The following SLC18A1 variants were observed in gnomAD, a reference collection of about 807,000 sequenced individuals.
SLC18A1 encodes the protein solute carrier family 18 member A1, also known as chromaffin granule amine transporter.
Under a neutral mutation model 53.7 loss-of-function variants are expected in SLC18A1, and 69 were observed. That is an observed-to-expected ratio of 1.28 (90% CI 1.06 to 1.57). SLC18A1 has a LOEUF of 1.57. Among genes scored for constraint, SLC18A1 ranks in the 40% most tolerant of loss-of-function variants. The probability of loss-of-function intolerance (pLI) is 0.00; values close to 1 mark genes in which losing one functional copy is unlikely to be tolerated. For synonymous variants in SLC18A1, 320 were observed against 248.1 expected, an observed-to-expected ratio of 1.29 and a Z score of -2.72; for missense variants, 932 against 668.1, an observed-to-expected ratio of 1.40 and a Z score of -4.35.
rs1274931687 is a variant in SLC18A1 at position 20,165,065 on chromosome 8, A to G, written c.901T>C (p.Tyr301His). Residue 301 changes from tyrosine (Y) to histidine (H), a missense_variant, in exon 9 of 16, where the codon TAC becomes CAC. By Grantham distance (83) the Tyr-to-His change is moderately conservative (BLOSUM62 2). Coordinates refer to ENST00000276373, the MANE Select transcript of SLC18A1 (RefSeq NM_003053.4). Reference protein sequence around the residue: ...TPLFMLLKDPYILVAAGSICF... With the variant: ...TPLFMLLKDPHILVAAGSICF... Reference sequence around the variant, plus strand: ...AGCTTACCTGCAGCCACCAGGATGTAAGGGTCTTTGAGAAGCATAAAGAGG... The same window carrying G: ...AGCTTACCTGCAGCCACCAGGATGTGAGGGTCTTTGAGAAGCATAAAGAGG... 1.2e-6 allele frequency: 2 copies of G among 1,614,068 alleles called. No individual in the cohort carries two copies. Among genetic ancestry groups the G allele is most frequent in the African/African-American group, 1.3e-5 (1 of 74,936 alleles).
In SLC18A1 at chr8:20,173,999, C is replaced by T. The variant is rs116375270; in HGVS notation, c.631+362G>A. Among the ~76,000 whole-genome samples the T allele has an allele frequency of 4.1e-3, 620 of 151,760 alleles. 7 individuals are homozygous for T. The highest frequency in any genetic ancestry group is 0.014 in the African/African-American group (592 of 41,284). ...GCAGCCTTGACCACCCAAGCTCAAG[C>T]CATCCTCCCACTTTAGCCTCCCAAG... On this transcript the variant is annotated intron_variant, in intron 5 of 15. Transcript: ENST00000276373.
chr8:20,169,295 T>C (rs1001781852), intron 8 of SLC18A1, among the ~76,000 whole-genome samples: 1 of 152,128 alleles, frequency 6.6e-6, no homozygotes, highest in African/African-American at 2.4e-5. Context: ...GATGCATAAA[T>C]GTCTTACACA....
intron 8 of SLC18A1, among the ~76,000 whole-genome samples, chr8:20,166,265 A>G (rs2071954554): frequency 7.4e-6 from 1 of 135,550 alleles, no homozygotes; most frequent in African/African-American, 2.7e-5. Flanking sequence ...ACACATACAA[A>G]ATTGTGTGTG....
chr8:20,178,155 G>T (rs79417013), intron 4 of SLC18A1, among the ~76,000 whole-genome samples: 1 of 126,788 alleles, frequency 7.9e-6, no homozygotes, highest in African/African-American at 3.0e-5. Context: ...CACACACCCC[G>T]TAGCATACAT....
chr8:20,164,930 G>T lies in SLC18A1; in HGVS notation c.954C>A (p.Ile318=). The T allele has an allele frequency of 6.2e-7, 1 of 1,613,946 alleles. No individual in the cohort carries two copies. Among genetic ancestry groups the T allele is most frequent in the East Asian group, 2.2e-5 (1 of 44,870 alleles). ...SICFANMGVA[I]LEPTLPIWMM... Reference sequence around the variant, plus strand: ...TCCAGATGGGCAGTGTGGGCTCCAGGATGGCCACCCCCATGTTGGCAAAGC... The same window carrying T: ...TCCAGATGGGCAGTGTGGGCTCCAGTATGGCCACCCCCATGTTGGCAAAGC... Residue 318 remains isoleucine, a synonymous_variant, in exon 10 of 16, where the codon ATC becomes ATA. Coordinates refer to ENST00000276373, the MANE Select transcript of SLC18A1 (RefSeq NM_003053.4).
intron 12 of SLC18A1, chr8:20,148,579 C>T: frequency 1.3e-6 from 1 of 747,022 alleles, no homozygotes; most frequent in Non-Finnish European, 2.0e-6. Flanking sequence ...CTAGAGGGGG[C>T]AGGTGGTGTG....
At position 20,163,375 on chromosome 8, in the gene SLC18A1, A is replaced by G. The variant is rs368330011; in HGVS notation, c.1015+1494T>C. 5.9e-5 allele frequency among the ~76,000 whole-genome samples: 9 copies of G among 152,328 alleles called. No individual in the cohort carries two copies. The South Asian group carries it at 1.9e-3, about 32-fold the overall frequency. On this transcript the variant is annotated intron_variant, in intron 10 of 15. Coordinates refer to ENST00000276373, the MANE Select transcript of SLC18A1 (RefSeq NM_003053.4). The stretch of plus-strand genomic sequence containing the variant: ...AAATTTTGGGGGACACATTCACACC[A>G]TATCAGAGGTCAAAGAGGTTAAATA...
chr8:20,150,419 G>A (rs770837855), intron 11 of SLC18A1, among the ~76,000 whole-genome samples: 2 of 152,206 alleles, frequency 1.3e-5, no homozygotes, highest in African/African-American at 2.4e-5. Context: ...TGGATGGAAA[G>A]TAAGGGGTGC....
intron 10 of SLC18A1, among the ~76,000 whole-genome samples, chr8:20,152,463 G>T (rs1468903762): frequency 6.6e-6 from 1 of 152,186 alleles, no homozygotes; most frequent in Admixed American, 6.5e-5. Context: ...AGGTTTTGGA[G>T]GTAAGTTGGT....
chr8:20,149,648 C>A (rs369220423), intron 12 of SLC18A1, 28 bp downstream of exon 12: 1 of 1,587,650 alleles, frequency 6.3e-7, no homozygotes, highest in South Asian at 1.1e-5. Flanking sequence ...CTCTCTCCTT[C>A]CCCTCCCCCA....
chr8:20,158,764 C>G (rs1045780457), intron 10 of SLC18A1, among the ~76,000 whole-genome samples: 1 of 152,136 alleles, frequency 6.6e-6, no homozygotes, highest in African/African-American at 2.4e-5. Flanking sequence ...GTACCTAACC[C>G]TTATACTCTG....
At chr8:20,156,088 C>T (rs77113276) in intron 10 of SLC18A1, among the ~76,000 whole-genome samples, 1,881 of 152,182 alleles carry the variant, frequency 0.012, 37 homozygotes, top group African/African-American at 0.036. Flanking sequence ...ACTGGGCCTG[C>T]GACAACATAA....
At chr8:20,163,751 G>A (rs776023933) in intron 10 of SLC18A1, among the ~76,000 whole-genome samples, 7 of 152,142 alleles carry the variant, frequency 4.6e-5, no homozygotes, top group Non-Finnish European at 1.0e-4. Flanking sequence ...TGTAGTTGTT[G>A]GACAACCTTT....
chr8:20,156,467 C>T (rs2071684488), intron 10 of SLC18A1, among the ~76,000 whole-genome samples: 2 of 152,128 alleles, frequency 1.3e-5, no homozygotes, highest in South Asian at 4.1e-4. Context: ...ATAGATGGTT[C>T]CTCCCGGGTG....
intron 5 of SLC18A1, 33 bp downstream of exon 5, chr8:20,174,328 A>C (rs1433877425): frequency 1.4e-6 from 2 of 1,430,848 alleles, no homozygotes; most frequent in African/African-American, 1.4e-5. Context: ...GCATGCCTGC[A>C]TGTGTGTGTG....
chr8:20,155,916 G>A (rs1367722960), intron 10 of SLC18A1, among the ~76,000 whole-genome samples: 4 of 152,082 alleles, frequency 2.6e-5, no homozygotes, highest in South Asian at 4.1e-4. Flanking sequence ...CCCTTGCAAG[G>A]GCCACAAGTT....
chr8:20,151,794 CCATTCATTCATT>C (rs145356190), intron 10 of SLC18A1, among the ~76,000 whole-genome samples: 1 of 151,992 alleles, frequency 6.6e-6, no homozygotes, highest in African/African-American at 2.4e-5. Context: ...TGAGTCTCTT[CCATTCATTCATT>C]CATTCATTCA....
intron 8 of SLC18A1, among the ~76,000 whole-genome samples, chr8:20,166,474 A>G (rs1415530126): frequency 1.3e-5 from 2 of 151,656 alleles, no homozygotes; most frequent in African/African-American, 4.8e-5. Context: ...GGGAAAAATA[A>G]GAAAACACAT....
At chr8:20,164,507 T>C (rs1028932528) in intron 10 of SLC18A1, among the ~76,000 whole-genome samples, 3 of 152,184 alleles carry the variant, frequency 2.0e-5, no homozygotes, top group South Asian at 2.1e-4. Context: ...AGTATTTTGA[T>C]GCTCATTTTA....
Sources: allele counts gnomAD v4.1 joint callset (sites outside exome capture counted in the v4.1 genomes callset), GRCh38; gene constraint gnomAD v4.1.1; transcripts MANE v1.5; gene names NCBI Gene and HGNC (gene_info 2026-07-23, HGNC 2026-07-21).